The following USP31 variants were observed in gnomAD, a reference collection of about 807,000 sequenced individuals.
USP31 encodes the protein ubiquitin carboxyl-terminal hydrolase 31.
A neutral mutation model predicts 119.4 loss-of-function variants in USP31; 44 were observed. That is an observed-to-expected ratio of 0.37 (90% CI 0.29 to 0.47). The LOEUF (loss-of-function observed/expected upper bound fraction) is 0.47, where lower values mean the gene tolerates loss of function less well. Ranked by LOEUF, USP31 falls within the 20% of genes least tolerant of loss-of-function variation. USP31 has a pLI of 0.99. For missense variants in USP31, 1,643 were observed against 1,730.2 expected, an observed-to-expected ratio of 0.95 and a Z score of 0.89; for synonymous variants, 749 against 705.6, an observed-to-expected ratio of 1.06 and a Z score of -0.97.
intron 1 of USP31, among the ~76,000 whole-genome samples, chr16:23,138,072 T>C (rs1263884060): frequency 6.6e-6 from 1 of 152,194 alleles, no homozygotes; most frequent in Admixed American, 6.5e-5. Context: ...AGAGCATGTA[T>C]GTCACACTGC....
chr16:23,070,794 T>C (rs1022782366), intron 15 of USP31, among the ~76,000 whole-genome samples: 2 of 152,170 alleles, frequency 1.3e-5, no homozygotes, highest in Admixed American at 1.3e-4. Context: ...ATATTCTAAA[T>C]TAAATTTTCT....
chr16:23,086,204 T>C (rs1029172595), intron 9 of USP31, among the ~76,000 whole-genome samples: 2 of 152,208 alleles, frequency 1.3e-5, no homozygotes, highest in African/African-American at 4.8e-5. Flanking sequence ...TTGTTTGTTA[T>C]GCAATATTTT....
chr16:23,137,120 A>G (rs71378501), intron 1 of USP31, among the ~76,000 whole-genome samples: 42,686 of 152,058 alleles, frequency 0.28, 6,331 homozygotes, highest in Admixed American at 0.35. Context: ...AACTGAAGCA[A>G]GAGGATCCCT....
rs2141818695 is a variant in USP31 at position 23,065,034 on chromosome 16, C to T, written c.*3012G>A. ...ACTGGAGCCTAACGGTTTGAGTTTC[C>T]ACATTATCTAAGGGATTACCAAGGC... is the stretch of plus-strand genomic sequence containing the variant. On this transcript the variant is annotated 3_prime_UTR_variant, in exon 16 of 16. Transcript: ENST00000219689. 1 of 152,220 alleles carries T rather than the reference C, an allele frequency of 6.6e-6. No individual in the cohort carries two copies. Among genetic ancestry groups the T allele is most frequent in the African/African-American group, 2.4e-5 (1 of 41,512 alleles). The allele number at this position is 152,220 out of a possible 1,614,324, so 9.4% of individuals were successfully genotyped here.
intron 1 of USP31, among the ~76,000 whole-genome samples, chr16:23,110,631 G>A (rs996915550): frequency 4.6e-5 from 7 of 152,254 alleles, no homozygotes; most frequent in South Asian, 2.1e-4. Context: ...TTAAGATCAC[G>A]GGCTCTGGAC....
chr16:23,101,825 G>A (rs1253278252), intron 6 of USP31, among the ~76,000 whole-genome samples: 3 of 151,930 alleles, frequency 2.0e-5, no homozygotes, highest in East Asian at 3.9e-4. Context: ...AGCCCAAACC[G>A]CAGTAAGAGG....
chr16:23,130,614 G>A lies in USP31; in HGVS notation c.633+18024C>T, dbSNP rs576160660. Among the ~76,000 whole-genome samples the A allele has an allele frequency of 4.6e-5, 7 of 152,124 alleles. No homozygotes were observed. The South Asian group carries it at 1.5e-3, about 32-fold the overall frequency. ...TCTCTCAAAGCAATCCCCTCTCCCT[G>A]CTGAAAGACTCCCCTAGGGAGTCTT... On this transcript the variant is annotated intron_variant, in intron 1 of 15. Coordinates refer to ENST00000219689, the MANE Select transcript of USP31 (RefSeq NM_020718.4).
rs1823989057 is a variant in USP31, at chr16:23,149,443, G to A, written c.-173C>T. Among the ~76,000 whole-genome samples, 1 of 148,234 alleles carries A rather than the reference G, an allele frequency of 6.7e-6. No homozygotes were observed. Among genetic ancestry groups the A allele is most frequent in the African/African-American group, 2.4e-5 (1 of 40,976 alleles). ...GAGCGGCGGCCGGCGGGGCCAGCGG[G>A]CGCGCGCGCGGTCCGCCCAGCTGAG... is the stretch of plus-strand genomic sequence containing the variant. On this transcript the variant is annotated 5_prime_UTR_variant, in exon 1 of 16. Coordinates refer to ENST00000219689, the MANE Select transcript of USP31 (RefSeq NM_020718.4).
rs903124406 is a variant in USP31 at position 23,121,261 on chromosome 16, A to C, written c.634-13078T>G. On this transcript the variant is annotated intron_variant, in intron 1 of 15. Coordinates refer to ENST00000219689, the MANE Select transcript of USP31 (RefSeq NM_020718.4). ...ACAGACCTGCTGTGGCACTCTACAC[A>C]GCCAACCCTATGGATACTTGACAGG... Among the ~76,000 whole-genome samples, 3 of 152,176 alleles carry C rather than the reference A, an allele frequency of 2.0e-5. No individual in the cohort carries two copies. In the East Asian group the frequency reaches 5.8e-4, roughly 29 times the overall value.
intron 6 of USP31, among the ~76,000 whole-genome samples, chr16:23,098,742 A>G (rs1256588246): frequency 6.6e-6 from 1 of 152,218 alleles, no homozygotes; most frequent in Non-Finnish European, 1.5e-5. Context: ...TGTTTAATAA[A>G]TGGTGCTGGG....
intron 1 of USP31, among the ~76,000 whole-genome samples, chr16:23,142,730 A>G (rs547496627): frequency 2.0e-5 from 3 of 152,316 alleles, no homozygotes; most frequent in Non-Finnish European, 2.9e-5. Context: ...TCTCCCTCAG[A>G]GGTGTGGAGC....
rs913665252 is a variant in USP31, at chr16:23,068,537, T to G, written c.3568A>C (p.Arg1190=). Residue 1190 remains arginine (R), a synonymous_variant, in exon 16 of 16, where the codon AGG becomes CGG. Coordinates refer to ENST00000219689, the MANE Select transcript of USP31 (RefSeq NM_020718.4). The part of the protein sequence containing the change: ...RVSQARAGEG[R]GAGKHVRSSS... Reference sequence around the variant, plus strand: ...CTCCGCACGTGCTTCCCGGCCCCCCTGCCCTCCCCTGCTCGGGCCTGGCTC... The same window carrying G: ...CTCCGCACGTGCTTCCCGGCCCCCCGGCCCTCCCCTGCTCGGGCCTGGCTC... 1.9e-6 allele frequency: 3 copies of G among 1,613,798 alleles called. No individual in the cohort carries two copies. In the African/African-American group the frequency reaches 4.0e-5, roughly 22 times the overall value.
At chr16:23,148,561 G>C (rs1190461372) in intron 1 of USP31, 77 bp downstream of exon 1, 3 of 1,385,924 alleles carry the variant, frequency 2.2e-6, no homozygotes, top group Non-Finnish European at 2.8e-6. Flanking sequence ...AAGAGGAACC[G>C]AGGGAAGGAA....
chr16:23,116,817 A>G (rs1902499271), intron 1 of USP31, among the ~76,000 whole-genome samples: 1 of 152,172 alleles, frequency 6.6e-6, no homozygotes, highest in Non-Finnish European at 1.5e-5. Flanking sequence ...GCACAGGGAA[A>G]GGGGGCTTCC....
intron 8 of USP31, among the ~76,000 whole-genome samples, chr16:23,087,413 C>T (rs1305579122): frequency 6.6e-6 from 1 of 152,128 alleles, no homozygotes; most frequent in African/African-American, 2.4e-5. Flanking sequence ...TAACACATTG[C>T]CTTTACTAAA....
rs923512098 is a variant in USP31, at chr16:23,080,023, C to T, written c.2099G>A (p.Arg700Lys). The T allele has an allele frequency of 6.2e-7, 1 of 1,613,948 alleles. No homozygotes were observed. Among genetic ancestry groups the T allele is most frequent in the Non-Finnish European group, 8.5e-7 (1 of 1,180,022 alleles). ...SPWRRPYGLG[R>K]DPEDYIYDLY... ...GTCATAGATGTAGTCCTCAGGGTCC[C>T]TCCCGAGTCCATAGGGCCGTCTCCA... Residue 700 changes from arginine to lysine, a missense_variant, in exon 13 of 16, where the codon AGG becomes AAG. Physicochemically the swap from Arg to Lys is conservative, Grantham distance 26. Transcript: ENST00000219689.
At position 23,090,684 on chromosome 16, in the gene USP31, C is replaced by T. The variant is rs1352572074; in HGVS notation, c.1355G>A (p.Gly452Asp). 6 of 1,613,944 alleles carry T rather than the reference C, an allele frequency of 3.7e-6. No individual in the cohort carries two copies. Among genetic ancestry groups the T allele is most frequent in the Admixed American group, 1.7e-5 (1 of 60,008 alleles). The change falls in exon 7 of 16, where the codon GGC becomes GAC. Residue 452 changes from glycine to aspartate, a missense_variant. Physicochemically the swap from Gly to Asp is moderately conservative, Grantham distance 94. Coordinates refer to ENST00000219689, the MANE Select transcript of USP31 (RefSeq NM_020718.4). Reference protein sequence around the residue: ...GKMDSPTSRAGSDKIVLLVCN... With the variant: ...GKMDSPTSRADSDKIVLLVCN... ...CACCAACAGGACAATCTTGTCGCTG[C>T]CTGCTCTTGATGTGGGAGAATCCAT...
intron 1 of USP31, among the ~76,000 whole-genome samples, chr16:23,114,452 GAAAAAAA>G (rs917531470): frequency 1.0e-3 from 91 of 89,988 alleles, no homozygotes; most frequent in African/African-American, 3.6e-3. Flanking sequence ...GAAAAAATAG[GAAAAAAA>G]AAAAAAAAAA....
chr16:23,117,828 T>C (rs1317730068), intron 1 of USP31, among the ~76,000 whole-genome samples: 1 of 151,960 alleles, frequency 6.6e-6, no homozygotes, highest in Non-Finnish European at 1.5e-5. Context: ...AGTCTCTCTC[T>C]GCCCAGGATG....
Sources: allele counts gnomAD v4.1 joint callset (sites outside exome capture counted in the v4.1 genomes callset), GRCh38; gene constraint gnomAD v4.1.1; transcripts MANE v1.5; gene names NCBI Gene and HGNC (gene_info 2026-07-23, HGNC 2026-07-21).